Variants in SLC35D4 observed in about 807,000 individuals in gnomAD.
The protein encoded by SLC35D4 is UDP-N-acetylglucosamine transporter SLC35D4.
the SLC35D4 span, among the ~76,000 whole-genome samples, chr18:23,273,859 T>C: frequency 1.3e-5 from 2 of 152,168 alleles, no homozygotes; most frequent in East Asian, 1.9e-4. Context: ...GCACAACACA[T>C]ACATACATTA....
the SLC35D4 span, chr18:23,252,888 C>A: frequency 1.0e-6 from 1 of 1,003,978 alleles, no homozygotes; most frequent in Non-Finnish European, 1.6e-6. Context: ...GTAAGTTGGT[C>A]GTAGTTGGTG....
At chr18:23,365,014 G>A in the SLC35D4 span, among the ~76,000 whole-genome samples, 158 of 149,892 alleles carry the variant, frequency 1.1e-3, 1 homozygote, top group Middle Eastern at 3.5e-3. Context: ...ATAGAAAGAG[G>A]GTAACTTAAC....
At chr18:23,287,935 A>G in the SLC35D4 span, among the ~76,000 whole-genome samples, 2,692 of 152,314 alleles carry the variant, frequency 0.018, 78 homozygotes, top group African/African-American at 0.061. Context: ...TAATACTCTT[A>G]GAGGCCCTTA....
chr18:23,373,679 A>G, the SLC35D4 span: 1 of 1,610,860 alleles, frequency 6.2e-7, no homozygotes, highest in Middle Eastern at 1.7e-4. Context: ...AATAAAAGAC[A>G]CTTTGAAGGC....
the SLC35D4 span, among the ~76,000 whole-genome samples, chr18:23,371,945 T>TGTTTTTTTTTTTGTTTTTTTTTTG: frequency 1.4e-5 from 1 of 73,346 alleles, no homozygotes; most frequent in Non-Finnish European, 2.6e-5. Flanking sequence ...GTTTTTTTTT[T>TGTTTTTTTTTTTGTTTTTTTTTTG]TTTTTTTTGA....
the SLC35D4 span, among the ~76,000 whole-genome samples, chr18:23,338,869 A>G: frequency 6.6e-6 from 1 of 152,204 alleles, no homozygotes; most frequent in East Asian, 1.9e-4. Context: ...CATCCTAAGG[A>G]GCAATAGGAA....
chr18:23,416,723 C>T, the SLC35D4 span, among the ~76,000 whole-genome samples: 8 of 152,288 alleles, frequency 5.3e-5, no homozygotes, highest in East Asian at 1.9e-4. Context: ...AATGCACCTG[C>T]AGGAGACAGT....
the SLC35D4 span, among the ~76,000 whole-genome samples, chr18:23,409,462 C>T: frequency 6.6e-6 from 1 of 152,224 alleles, no homozygotes; most frequent in Non-Finnish European, 1.5e-5. Flanking sequence ...TATTCTAATA[C>T]TGTATGGTTA....
chr18:23,258,286 G>A, the SLC35D4 span: 1 of 152,640 alleles, frequency 6.6e-6, no homozygotes, highest in Non-Finnish European at 1.5e-5. Flanking sequence ...CTATGTTAGA[G>A]TGCATCAGAA....
At chr18:23,271,839 G>A in the SLC35D4 span, among the ~76,000 whole-genome samples, 1 of 152,158 alleles carries the variant, frequency 6.6e-6, no homozygotes, top group South Asian at 2.1e-4. Flanking sequence ...AAAGGATTGG[G>A]TTCAGAGAGC....
chr18:23,410,450 C>T, the SLC35D4 span, among the ~76,000 whole-genome samples: 1 of 150,882 alleles, frequency 6.6e-6, no homozygotes, highest in Non-Finnish European at 1.5e-5. Flanking sequence ...TGCACTCCAG[C>T]CTGGGCAAAA....
the SLC35D4 span, chr18:23,377,612 T>C: frequency 6.4e-7 from 1 of 1,568,058 alleles, no homozygotes; most frequent in Non-Finnish European, 8.6e-7. Flanking sequence ...AAATCTTATA[T>C]TATGGCTTTT....
the SLC35D4 span, among the ~76,000 whole-genome samples, chr18:23,354,067 C>T: frequency 4.6e-5 from 7 of 152,260 alleles, no homozygotes; most frequent in East Asian, 1.9e-4. Flanking sequence ...TAGTTGCCTG[C>T]GCTGGAACTA....
At chr18:23,369,159 G>A in the SLC35D4 span, among the ~76,000 whole-genome samples, 2 of 152,220 alleles carry the variant, frequency 1.3e-5, no homozygotes, top group Non-Finnish European at 1.5e-5. Flanking sequence ...AAATTCAAAT[G>A]CAACCAGGCA....
At chr18:23,267,523 C>T in the SLC35D4 span, among the ~76,000 whole-genome samples, 2 of 152,076 alleles carry the variant, frequency 1.3e-5, no homozygotes, top group Non-Finnish European at 2.9e-5. Flanking sequence ...CCCCCCAGGA[C>T]ACTCCTCTAG....
the SLC35D4 span, among the ~76,000 whole-genome samples, chr18:23,403,627 G>C: frequency 6.6e-6 from 1 of 152,242 alleles, no homozygotes; most frequent in African/African-American, 2.4e-5. Flanking sequence ...GTAGTACGGA[G>C]AACACGTTGG....
the SLC35D4 span, among the ~76,000 whole-genome samples, chr18:23,427,223 G>A: frequency 6.6e-6 from 1 of 152,178 alleles, no homozygotes; most frequent in South Asian, 2.1e-4. Context: ...CCATCAGAGT[G>A]AACAGGCAAC....
At chr18:23,253,639 G>A in the SLC35D4 span, 1 of 1,102,840 alleles carries the variant, frequency 9.1e-7, no homozygotes, top group Non-Finnish European at 1.3e-6. Context: ...GAAAGAGAAA[G>A]AGAAAAAGCA....
chr18:23,271,738 G>A, the SLC35D4 span, among the ~76,000 whole-genome samples: 1 of 152,166 alleles, frequency 6.6e-6, no homozygotes, highest in African/African-American at 2.4e-5. Context: ...GACCTCTGGG[G>A]AGAGGAGAGT....
Sources: allele counts gnomAD v4.1 joint callset (sites outside exome capture counted in the v4.1 genomes callset), GRCh38; gene constraint gnomAD v4.1.1; transcripts MANE v1.5; gene names NCBI Gene and HGNC (gene_info 2026-07-23, HGNC 2026-07-21).